BAALC: variants seen among roughly 807,000 people sequenced by gnomAD.
The protein encoded by BAALC is BAALC binder of MAP3K1 and KLF4, also known as brain and acute leukemia cytoplasmic protein.
Under a neutral mutation model 15.5 loss-of-function variants are expected in BAALC, and 9 were observed. That is an observed-to-expected ratio of 0.58 (90% CI 0.35 to 1.02). The LOEUF is 1.02. Ranked by LOEUF, BAALC falls within the 50% of genes least tolerant of loss-of-function variation. The pLI, the probability that BAALC is intolerant of heterozygous loss-of-function variation, is 0.02. For missense variants in BAALC, 201 were observed against 192.4 expected (o/e 1.04, Z -0.27); for synonymous variants, 80 against 74.6 (o/e 1.07, Z -0.37).
Position 103,146,622 on chromosome 8 carries a change from T to C in BAALC, c.160+5565T>C, listed in dbSNP as rs577408943. On this transcript the variant is annotated intron_variant, in intron 1 of 2. Transcript: ENST00000309982. ...AAATGAATAAATCTAAAACTTCTGTTTGTCAATTTCTTCTTGTAGACCCCA... is the reference window on the plus strand; with the variant it reads ...AAATGAATAAATCTAAAACTTCTGTCTGTCAATTTCTTCTTGTAGACCCCA... Among the ~76,000 whole-genome samples, 440 of 152,326 alleles carry C rather than the reference T, an allele frequency of 2.9e-3. 2 individuals carry two copies. The highest frequency in any genetic ancestry group is 5.1e-3 in the Non-Finnish European group (346 of 68,030).
intron 1 of BAALC, among the ~76,000 whole-genome samples, chr8:103,189,690 A>G (rs1811922477): frequency 6.6e-6 from 1 of 152,128 alleles, no homozygotes; most frequent in African/African-American, 2.4e-5. Flanking sequence ...TGGAGAAATA[A>G]CACCTAGGTG....
chr8:103,203,612 A>G (rs1812268421), intron 1 of BAALC, among the ~76,000 whole-genome samples: 1 of 152,166 alleles, frequency 6.6e-6, no homozygotes, highest in African/African-American at 2.4e-5. Flanking sequence ...CCAGCCCTAC[A>G]TAACCACTAC....
chr8:103,178,140 T>C (rs1811645579), intron 1 of BAALC, among the ~76,000 whole-genome samples: 1 of 152,232 alleles, frequency 6.6e-6, no homozygotes, highest in Non-Finnish European at 1.5e-5. Flanking sequence ...TCTCAAAATG[T>C]TAAAAACTTA....
chr8:103,211,936 G>A (rs1426721912), intron 1 of BAALC, among the ~76,000 whole-genome samples: 9 of 152,194 alleles, frequency 5.9e-5, no homozygotes, highest in Admixed American at 3.3e-4. Flanking sequence ...CAGAAACTCT[G>A]TCAGCTTCTG....
At chr8:103,149,147 T>G (rs1810931056) in intron 1 of BAALC, among the ~76,000 whole-genome samples, 1 of 141,114 alleles carries the variant, frequency 7.1e-6, no homozygotes. Flanking sequence ...TGTGCTGTGC[T>G]GCTAAGCACG....
In BAALC at chr8:103,228,293, T is replaced by A. The variant is rs1220285152; in HGVS notation, c.*194T>A. On this transcript the variant is annotated 3_prime_UTR_variant, in exon 3 of 3. Coordinates refer to ENST00000309982, the MANE Select transcript of BAALC (RefSeq NM_024812.3). ...CCTTCTGAGCCTTCTACTTATCATG[T>A]AAATGTATTGGCACAGTGCTTACAT... is the stretch of plus-strand genomic sequence containing the variant. 3.5e-6 allele frequency: 2 copies of A among 565,044 alleles called. No homozygotes were observed. The highest frequency in any genetic ancestry group is 5.8e-5 in the East Asian group (2 of 34,316). 35.0% of individuals were successfully genotyped at this position (565,044 alleles called of 1,614,324 possible). A position where few individuals can be genotyped will look rare whatever the true frequency, so the allele number is the denominator to read the frequency against.
chr8:103,149,344 G>A (rs1810937252), intron 1 of BAALC, among the ~76,000 whole-genome samples: 1 of 152,222 alleles, frequency 6.6e-6, no homozygotes, highest in Admixed American at 6.5e-5. Flanking sequence ...AGGGTTGCAG[G>A]AGGTGCCCCA....
At chr8:103,168,753 G>A (rs1184257871) in intron 1 of BAALC, among the ~76,000 whole-genome samples, 1 of 152,006 alleles carries the variant, frequency 6.6e-6, no homozygotes, top group African/African-American at 2.4e-5. Context: ...CCTCTCTCCT[G>A]TGTTGAATTG....
At chr8:103,167,990 G>T (rs1811386817) in intron 1 of BAALC, among the ~76,000 whole-genome samples, 7 of 152,096 alleles carry the variant, frequency 4.6e-5, no homozygotes, top group African/African-American at 1.7e-4. Context: ...TTTTTTCATA[G>T]TTCCTGACTT....
intron 1 of BAALC, among the ~76,000 whole-genome samples, chr8:103,144,053 C>A (rs1477158491): frequency 6.6e-6 from 1 of 152,230 alleles, no homozygotes; most frequent in African/African-American, 2.4e-5. Context: ...ACAACCTCAA[C>A]TCCACAAACA....
rs948374594 is a variant in BAALC, at chr8:103,192,305, G to A, written c.161-20614G>A. ...GACCTCAGGTGACCCACCCGCCTCAGCCTCCCAAAGTGCTGGGATTACAGG... is the reference window on the plus strand; with the variant it reads ...GACCTCAGGTGACCCACCCGCCTCAACCTCCCAAAGTGCTGGGATTACAGG... On this transcript the variant is annotated intron_variant, in intron 1 of 2. Transcript: ENST00000309982. 3.9e-5 allele frequency among the ~76,000 whole-genome samples: 6 copies of A among 152,200 alleles called. No homozygotes were observed. In the East Asian group the frequency reaches 1.2e-3, roughly 29 times the overall value.
At chr8:103,160,519 G>A (rs1811201886) in intron 1 of BAALC, among the ~76,000 whole-genome samples, 1 of 152,096 alleles carries the variant, frequency 6.6e-6, no homozygotes, top group Non-Finnish European at 1.5e-5. Context: ...TGTCTTTAGG[G>A]TATATCCCAA....
In BAALC at chr8:103,228,429, A is replaced by T. The variant is rs889445116; in HGVS notation, c.*330A>T. On this transcript the variant is annotated 3_prime_UTR_variant, in exon 3 of 3. Coordinates refer to ENST00000309982, the MANE Select transcript of BAALC (RefSeq NM_024812.3). The stretch of plus-strand genomic sequence containing the variant: ...CTACAGGTCAGTTTATGAAACAGAA[A>T]AGTAGGAATGCATTTTCTGGGTGAA... 4.8e-6 allele frequency: 1 copy of T among 210,212 alleles called. No homozygotes were observed. The highest frequency in any genetic ancestry group is 9.4e-6 in the Non-Finnish European group (1 of 106,338). The allele number at this position is 210,212 out of a possible 1,614,324, so 13.0% of individuals were successfully genotyped here. A position where few individuals can be genotyped will look rare whatever the true frequency, so the allele number is the denominator to read the frequency against.
rs192372910 is a variant in BAALC at position 103,140,845 on chromosome 8, G to A, written c.-53G>A. 5.0e-4 allele frequency: 703 copies of A among 1,403,726 alleles called. 11 individuals carry two copies. In the East Asian group the frequency reaches 0.021, roughly 42 times the overall value. The allele number at this position is 1,403,726 out of a possible 1,614,324, so 87.0% of individuals were successfully genotyped here. ...GGGGCTGCGCCTCCGGGGCTGAGCC[G>A]CCGCCAGAGCCGACAGCCGAGCAGC... On this transcript the variant is annotated 5_prime_UTR_variant, in exon 1 of 3. Coordinates refer to ENST00000309982, the MANE Select transcript of BAALC (RefSeq NM_024812.3). The surrounding 1 kb of genome is among the most constrained non-coding windows in gnomAD (Gnocchi z 4.2).
At chr8:103,200,061 A>G (rs1289323782) in intron 1 of BAALC, among the ~76,000 whole-genome samples, 2 of 152,176 alleles carry the variant, frequency 1.3e-5, no homozygotes, top group Non-Finnish European at 2.9e-5. Flanking sequence ...TCTATCACCA[A>G]GGGGCATTTA....
chr8:103,215,680 C>T (rs780960512), intron 2 of BAALC, among the ~76,000 whole-genome samples: 46 of 152,292 alleles, frequency 3.0e-4, no homozygotes, highest in African/African-American at 9.6e-4. Flanking sequence ...ACTACTTGAA[C>T]GCATTTCGTG....
intron 2 of BAALC, among the ~76,000 whole-genome samples, chr8:103,220,528 T>C (rs1220642674): frequency 6.6e-6 from 1 of 152,122 alleles, no homozygotes; most frequent in African/African-American, 2.4e-5. Context: ...TAAATTAGAG[T>C]CTGGGCAATA....
rs1812872055 is a variant in BAALC, at chr8:103,229,315, C to G, written c.*1216C>G. On this transcript the variant is annotated 3_prime_UTR_variant, in exon 3 of 3. Coordinates refer to ENST00000309982, the MANE Select transcript of BAALC (RefSeq NM_024812.3). ...TGGGAAAGATAGGACTAAAGTTGTG[C>G]CAAACTATATCAATAAATTCCATGT... 6.6e-6 allele frequency: 1 copy of G among 152,132 alleles called. No homozygotes were observed. The highest frequency in any genetic ancestry group is 2.4e-5 in the African/African-American group (1 of 41,420). 9.4% of individuals were successfully genotyped at this position (152,132 alleles called of 1,614,324 possible). A position where few individuals can be genotyped will look rare whatever the true frequency, so the allele number is the denominator to read the frequency against.
At chr8:103,204,851 TC>T (rs1458459467) in intron 1 of BAALC, among the ~76,000 whole-genome samples, 2 of 152,234 alleles carry the variant, frequency 1.3e-5, no homozygotes, top group Admixed American at 6.5e-5. Context: ...AATGACACTG[TC>T]CCATTCTAGT....
Sources: gnomAD v4.1 joint callset for allele counts (sites outside exome capture counted in the v4.1 genomes callset) on GRCh38, gnomAD v4.1.1 for gene constraint, Gnocchi (gnomAD v3.1) non-coding constraint, MANE v1.5 for transcripts, NCBI Gene and HGNC (gene_info 2026-07-23, HGNC 2026-07-21) for gene names.